Variants in PUS1 observed in about 807,000 individuals in gnomAD.
PUS1 encodes the protein pseudouridylate synthase 1 homolog.
In PUS1, 25 loss-of-function variants were observed where a neutral mutation model predicts 38.5. The observed-to-expected ratio is 0.65, with a 90% CI of 0.47 to 0.91. The LOEUF (loss-of-function observed/expected upper bound fraction) is 0.91. Ranked by LOEUF, PUS1 falls within the 40% of genes least tolerant of loss-of-function variation. The pLI is 0.00. For synonymous variants in PUS1, 282 were observed against 260.4 expected, an observed-to-expected ratio of 1.08 and a Z score of -0.80; for missense variants, 597 against 612.3, an observed-to-expected ratio of 0.97 and a Z score of 0.26.
chr12:131,932,204 A>G lies in PUS1; in HGVS notation c.333A>G (p.Thr111=), dbSNP rs1408582079. The part of the protein sequence containing the change: ...QRNVGSSQFK[T]IEDDLVSALV... ...ATGTCGGGTCCTCACAATTCAAAAC[A>G]ATTGAAGATGACTTGGTGTCCGCCC... Residue 111 remains threonine (T), a synonymous_variant, in exon 3 of 6, where the codon ACA becomes ACG. Transcript: ENST00000376649. The G allele has an allele frequency of 6.2e-7, 1 of 1,614,004 alleles. No homozygotes were observed. Among genetic ancestry groups the G allele is most frequent in the Non-Finnish European group, 8.5e-7 (1 of 1,179,990 alleles).
chr12:131,942,697 C>T (rs889972712), intron 5 of PUS1, among the ~76,000 whole-genome samples: 1 of 152,236 alleles, frequency 6.6e-6, no homozygotes, highest in South Asian at 2.1e-4. Context: ...TGAGCCACTG[C>T]GTCCGGCCAG....
At chr12:131,942,332 TAAGTG>T (rs1891113364) in intron 5 of PUS1, among the ~76,000 whole-genome samples, 1 of 152,080 alleles carries the variant, frequency 6.6e-6, no homozygotes, top group African/African-American at 2.4e-5. Flanking sequence ...AGCTAAAAGC[TAAGTG>T]AATGAAAATG....
chr12:131,929,928 C>T lies in PUS1; in HGVS notation c.96C>T (p.Asn32=). ...RPSCSPRMAG[N]AEPPPAGAAC... is the part of the protein sequence containing the mutation. ...GCAGCTCGCCGCGCATGGCCGGGAA[C>T]GCGGAGCCGCCGCCCGCCGGAGCCG... is the stretch of plus-strand genomic sequence containing the variant. Residue 32 remains asparagine (N), a synonymous_variant, in exon 2 of 6, where the codon AAC becomes AAT. Coordinates refer to ENST00000376649, the MANE Select transcript of PUS1 (RefSeq NM_025215.6). 6.8e-7 allele frequency: 1 copy of T among 1,478,276 alleles called. No individual in the cohort carries two copies. Among genetic ancestry groups the T allele is most frequent in the Non-Finnish European group, 8.9e-7 (1 of 1,121,478 alleles). 91.6% of individuals were successfully genotyped at this position (1,478,276 alleles called of 1,614,324 possible).
chr12:131,941,120 T>G lies in PUS1; in HGVS notation c.545-172T>G. On this transcript the variant is annotated intron_variant, in intron 4 of 5. Coordinates refer to ENST00000376649, the MANE Select transcript of PUS1 (RefSeq NM_025215.6). The surrounding 1 kb of genome is among the most constrained non-coding windows in gnomAD (Gnocchi z 4.4). ...GTCCCTCCTGTCCATCGTCCTCCTG[T>G]GCCTGTTCCCCAGCCTGTGGCTGCC... 1.6e-6 allele frequency: 1 copy of G among 638,768 alleles called. No individual in the cohort carries two copies. Among genetic ancestry groups the G allele is most frequent in the Middle Eastern group, 3.3e-4 (1 of 3,072 alleles). The allele number at this position is 638,768 out of a possible 1,614,324, so 39.6% of individuals were successfully genotyped here.
At chr12:131,939,374 G>A in intron 4 of PUS1, 99 bp downstream of exon 4, 1 of 819,986 alleles carries the variant, frequency 1.2e-6, no homozygotes, top group Non-Finnish European at 2.0e-6. Context: ...TGTCTCTGAT[G>A]CAGAAGCGTA....
chr12:131,942,644 G>A (rs1358366654), intron 5 of PUS1, among the ~76,000 whole-genome samples: 1 of 152,162 alleles, frequency 6.6e-6, no homozygotes, highest in Non-Finnish European at 1.5e-5. Context: ...CTGACCTTGT[G>A]ATCCACCCGC....
intron 3 of PUS1, among the ~76,000 whole-genome samples, chr12:131,935,985 C>T (rs904019711): frequency 3.3e-5 from 5 of 151,844 alleles, no homozygotes; most frequent in Non-Finnish European, 5.9e-5. Context: ...CCAAGGCGGG[C>T]GGATCACTTG....
At chr12:131,938,656 C>T (rs1302108665) in intron 3 of PUS1, among the ~76,000 whole-genome samples, 1 of 151,912 alleles carries the variant, frequency 6.6e-6, no homozygotes, top group African/African-American at 2.4e-5. Flanking sequence ...CCTCACTCTG[C>T]TCTTGGTTCT....
chr12:131,936,995 T>G (rs1032717425), intron 3 of PUS1, among the ~76,000 whole-genome samples: 5 of 152,170 alleles, frequency 3.3e-5, no homozygotes, highest in Admixed American at 1.3e-4. Context: ...CCCCAGGATG[T>G]CTCGAGTGTT....
intron 2 of PUS1, among the ~76,000 whole-genome samples, chr12:131,930,545 A>T (rs537417026): frequency 6.6e-6 from 1 of 152,342 alleles, no homozygotes; most frequent in East Asian, 1.9e-4. Context: ...AGAGCTAAGT[A>T]TTAAAGTTGT....
At chr12:131,931,133 G>T (rs1411984616) in intron 2 of PUS1, among the ~76,000 whole-genome samples, 1 of 152,202 alleles carries the variant, frequency 6.6e-6, no homozygotes, top group Non-Finnish European at 1.5e-5. Context: ...TGTTATAACA[G>T]CTTTTATGGT....
intron 3 of PUS1, 122 bp downstream of exon 3, chr12:131,932,434 A>G: frequency 8.4e-7 from 1 of 1,195,038 alleles, no homozygotes; most frequent in South Asian, 1.3e-5. Flanking sequence ...AAATCAAACT[A>G]GCCTACGCCT....
rs568162331 is a variant in PUS1, at chr12:131,932,849, T to C, written c.441+537T>C. ...TCCCGAGTAGGTGGGTGTATTAGTC[T>C]GTTGTCACACTGTTATAAAGAACTG... On this transcript the variant is annotated intron_variant, in intron 3 of 5. Coordinates refer to ENST00000376649, the MANE Select transcript of PUS1 (RefSeq NM_025215.6). 3.1e-5 allele frequency: 14 copies of C among 453,310 alleles called. 1 individual carries two copies. In the East Asian group the frequency reaches 9.1e-4, roughly 30 times the overall value. The allele number at this position is 453,310 out of a possible 1,614,324, so 28.1% of individuals were successfully genotyped here.
In PUS1 at chr12:131,932,390, TTGTTATGC is replaced by T. The variant is rs1890645640; in HGVS notation, c.441+83_441+90del. The T allele has an allele frequency of 2.0e-6, 3 of 1,508,402 alleles. No individual in the cohort carries two copies. In the East Asian group the frequency reaches 6.8e-5, roughly 34 times the overall value. The allele number at this position is 1,508,402 out of a possible 1,614,324, so 93.4% of individuals were successfully genotyped here. Reference sequence around the variant, plus strand: ...CCACTTTCCAGCTCAGTGTTCTGGCTTGTTATGCTGTTTCTGAGCACATAATGATGTAC... The same window carrying T: ...CCACTTTCCAGCTCAGTGTTCTGGCTTGTTTCTGAGCACATAATGATGTAC... On this transcript the variant is annotated intron_variant, in intron 3 of 5. Transcript: ENST00000376649.
At position 131,941,045 on chromosome 12, in the gene PUS1, A is replaced by C; in HGVS notation, c.545-247A>C. ...ATTCCGTATCTTCTCACTATTGGAAAATTACAATAAATGGTTGTAAATTCA... is the reference window on the plus strand; with the variant it reads ...ATTCCGTATCTTCTCACTATTGGAACATTACAATAAATGGTTGTAAATTCA... On this transcript the variant is annotated intron_variant, in intron 4 of 5. Transcript: ENST00000376649. The surrounding 1 kb of genome is among the most constrained non-coding windows in gnomAD (Gnocchi z 4.4). 1 of 555,602 alleles carries C rather than the reference A, an allele frequency of 1.8e-6. No homozygotes were observed. Among genetic ancestry groups the C allele is most frequent in the Non-Finnish European group, 3.2e-6 (1 of 309,900 alleles). The allele number at this position is 555,602 out of a possible 1,614,324, so 34.4% of individuals were successfully genotyped here.
At position 131,930,144 on chromosome 12, in the gene PUS1, G is replaced by A. The variant is rs778000763; in HGVS notation, c.303+9G>A. ...GCTACCACGGCATGCAGGTGTGGCC[G>A]CCCGGGAAGCGGCAGGTCCCGCGGG... On this transcript the variant is annotated intron_variant, in intron 2 of 5. Transcript: ENST00000376649. 1.4e-6 allele frequency: 2 copies of A among 1,415,366 alleles called. No individual in the cohort carries two copies. Among genetic ancestry groups the A allele is most frequent in the East Asian group, 2.8e-5 (1 of 36,348 alleles). 87.7% of individuals were successfully genotyped at this position (1,415,366 alleles called of 1,614,324 possible).
chr12:131,940,321 A>C (rs534224759), intron 4 of PUS1, among the ~76,000 whole-genome samples: 3 of 151,862 alleles, frequency 2.0e-5, no homozygotes, highest in African/African-American at 7.3e-5. Context: ...ATGAGCTGCT[A>C]TGCCCAGCCC....
At chr12:131,929,829 GCCCGCCCA>G in intron 1 of PUS1, 33 bp downstream of exon 1, 2 of 1,479,402 alleles carry the variant, frequency 1.4e-6, no homozygotes, top group Non-Finnish European at 1.8e-6. Flanking sequence ...ACCCCGCTAT[GCCCGCCCA>G]GCCCAGCCCA....
Position 131,929,784 on chromosome 12 carries a change from C to T in PUS1, c.62C>T (p.Pro21Leu), listed in dbSNP as rs1890498636. The T allele has an allele frequency of 1.3e-6, 2 of 1,589,084 alleles. No individual in the cohort carries two copies. The highest frequency in any genetic ancestry group is 1.1e-5 in the South Asian group (1 of 89,260). The change falls in exon 1 of 6, where the codon CCG becomes CTG. Residue 21 changes from proline to leucine, a missense_variant. Transcript: ENST00000376649. ...AFGRWTLRLG[P>L]RPSCSPRMAG... ...GGACGGTGGACCCTGCGCCTGGGAC[C>T]GCGTCCGTCCTGGTAATGACCGCGA...
Sources: gnomAD v4.1 joint callset for allele counts (sites outside exome capture counted in the v4.1 genomes callset) on GRCh38, gnomAD v4.1.1 for gene constraint, Gnocchi (gnomAD v3.1) non-coding constraint, MANE v1.5 for transcripts, NCBI Gene and HGNC (gene_info 2026-07-23, HGNC 2026-07-21) for gene names.